Variants in CADPS2 observed in about 807,000 individuals in gnomAD.
CADPS2 encodes the protein calcium dependent secretion activator 2, also known as calcium-dependent secretion activator 2.
Under a neutral mutation model 172.5 loss-of-function variants are expected in CADPS2, and 93 were observed. The ratio of observed to expected loss-of-function variants is 0.54; its 90% CI spans 0.46 to 0.64. The LOEUF is 0.64. Ranked by LOEUF, CADPS2 falls within the 30% of genes least tolerant of loss-of-function variation. CADPS2 has a pLI of 0.00. For synonymous variants in CADPS2, 546 were observed against 555.2 expected (o/e 0.98, Z 0.23); for missense variants, 1,420 against 1,565.9 (o/e 0.91, Z 1.57).
intron 3 of CADPS2, among the ~76,000 whole-genome samples, chr7:122,658,404 A>G (rs1334007311): frequency 6.6e-6 from 1 of 152,234 alleles, no homozygotes; most frequent in Non-Finnish European, 1.5e-5. Flanking sequence ...TACCCAAAGG[A>G]TTAGAAATCA....
chr7:122,357,672 A>G (rs2039589291), intron 27 of CADPS2, among the ~76,000 whole-genome samples: 1 of 152,126 alleles, frequency 6.6e-6, no homozygotes, highest in Non-Finnish European at 1.5e-5. Context: ...GGCAACCACT[A>G]ATCTGTTTAT....
chr7:122,583,769 AAT>A (rs1253301512), intron 6 of CADPS2, among the ~76,000 whole-genome samples: 1 of 151,364 alleles, frequency 6.6e-6, no homozygotes, highest in Non-Finnish European at 1.5e-5. Context: ...TGTACATAAC[AAT>A]ATCATATACA....
intron 5 of CADPS2, among the ~76,000 whole-genome samples, chr7:122,618,880 C>T (rs928310886): frequency 6.6e-6 from 1 of 152,132 alleles, no homozygotes; most frequent in Non-Finnish European, 1.5e-5. Context: ...ACACATAACT[C>T]CTGCTTAAAA....
At chr7:122,369,352 C>G (rs1009349737) in intron 25 of CADPS2, among the ~76,000 whole-genome samples, 1 of 151,924 alleles carries the variant, frequency 6.6e-6, no homozygotes, top group East Asian at 1.9e-4. Flanking sequence ...AGGATGGTCT[C>G]GATCTCCTGA....
intron 1 of CADPS2, among the ~76,000 whole-genome samples, chr7:122,760,389 AAC>A (rs2093337976): frequency 6.6e-6 from 1 of 152,112 alleles, no homozygotes. Flanking sequence ...ATTCATTCCT[AAC>A]ACATCTCACT....
chr7:122,585,275 T>C (rs929794087), intron 6 of CADPS2, among the ~76,000 whole-genome samples: 3 of 151,836 alleles, frequency 2.0e-5, no homozygotes, highest in African/African-American at 7.3e-5. Flanking sequence ...TAAGAAACAA[T>C]AAATAAGAAA....
chr7:122,479,950 T>A (rs940075166), intron 12 of CADPS2, among the ~76,000 whole-genome samples: 11 of 152,228 alleles, frequency 7.2e-5, no homozygotes, highest in Non-Finnish European at 1.3e-4. Flanking sequence ...CTACTATTCA[T>A]ATTGTATTAT....
At chr7:122,488,774 A>G (rs1586564544) in intron 11 of CADPS2, among the ~76,000 whole-genome samples, 2 of 152,372 alleles carry the variant, frequency 1.3e-5, no homozygotes, top group East Asian at 3.9e-4. Context: ...TCTGTGACTC[A>G]GTTGTTTTGA....
At chr7:122,779,271 C>T (rs1234681746) in intron 1 of CADPS2, among the ~76,000 whole-genome samples, 1 of 152,128 alleles carries the variant, frequency 6.6e-6, no homozygotes, top group African/African-American at 2.4e-5. Context: ...GCCTTTGTTC[C>T]CACACTTTAG....
intron 1 of CADPS2, among the ~76,000 whole-genome samples, chr7:122,774,273 C>T (rs1439602106): frequency 1.2e-4 from 7 of 57,018 alleles, no homozygotes; most frequent in African/African-American, 5.8e-4. Context: ...TAGATATACA[C>T]ACACACACAC....
chr7:122,554,483 T>G (rs559875254), intron 8 of CADPS2, 67 bp downstream of exon 8: 1 of 1,466,286 alleles, frequency 6.8e-7, no homozygotes, highest in African/African-American at 1.4e-5. Flanking sequence ...CTCACTAAAC[T>G]GACAAAAATA....
intron 1 of CADPS2, among the ~76,000 whole-genome samples, chr7:122,740,912 A>T (rs2092437518): frequency 6.6e-6 from 1 of 152,174 alleles, no homozygotes; most frequent in Admixed American, 6.5e-5. Context: ...CATAAAAAGA[A>T]TACAAATTAA....
intron 3 of CADPS2, among the ~76,000 whole-genome samples, chr7:122,633,243 T>C (rs1274940193): frequency 6.6e-6 from 1 of 152,196 alleles, no homozygotes; most frequent in African/African-American, 2.4e-5. Flanking sequence ...CATGTTGCTA[T>C]TTTGATAGGG....
At chr7:122,808,891 G>A (rs1007048616) in intron 1 of CADPS2, among the ~76,000 whole-genome samples, 9 of 152,070 alleles carry the variant, frequency 5.9e-5, no homozygotes, top group Admixed American at 3.3e-4. Context: ...TTTTATATAT[G>A]TATGGTAAAT....
chr7:122,436,512 C>CT lies in CADPS2; in HGVS notation c.2476+1828dup, dbSNP rs574256347. On this transcript the variant is annotated intron_variant, in intron 17 of 29. Transcript: ENST00000449022. The stretch of plus-strand genomic sequence containing the variant: ...TAGTCCTGAGGATAAAACATAAATA[C>CT]TTTTTTTTTCTTTTTTAAGAAAAAA... The CT allele has an allele frequency of 1.4e-3, 374 of 273,678 alleles. 1 individual carries two copies. The highest frequency in any genetic ancestry group is 5.7e-3 in the South Asian group (141 of 24,900). The allele number at this position is 273,678 out of a possible 1,614,324, so 17.0% of individuals were successfully genotyped here.
At chr7:122,876,756 ATTATG>A (rs200210311) in intron 1 of CADPS2, among the ~76,000 whole-genome samples, 4 of 152,304 alleles carry the variant, frequency 2.6e-5, no homozygotes, top group African/African-American at 9.6e-5. Context: ...TAAGTGAAAA[ATTATG>A]TTATATCTGA....
intron 1 of CADPS2, among the ~76,000 whole-genome samples, chr7:122,871,184 GA>G (rs112112751): frequency 0.02 from 2,814 of 141,530 alleles, 84 homozygotes; most frequent in African/African-American, 0.064. Flanking sequence ...ACAGTGCTGG[GA>G]AAAAAAAAAA....
chr7:122,593,622 C>T (rs1189255977), intron 6 of CADPS2, among the ~76,000 whole-genome samples: 1 of 152,002 alleles, frequency 6.6e-6, no homozygotes, highest in Non-Finnish European at 1.5e-5. Flanking sequence ...ATTAGTACTG[C>T]TTTAGCTTTA....
intron 3 of CADPS2, among the ~76,000 whole-genome samples, chr7:122,651,112 T>C (rs1298458977): frequency 6.6e-6 from 1 of 152,160 alleles, no homozygotes; most frequent in Non-Finnish European, 1.5e-5. Flanking sequence ...TACCATGGCA[T>C]TTATTTTTCT....
Sources: gnomAD v4.1 joint callset for allele counts (sites outside exome capture counted in the v4.1 genomes callset) on GRCh38, gnomAD v4.1.1 for gene constraint, MANE v1.5 for transcripts, NCBI Gene and HGNC (gene_info 2026-07-23, HGNC 2026-07-21) for gene names.